PCDHGA4: variants seen among roughly 807,000 people sequenced by gnomAD.
The protein encoded by PCDHGA4 is protocadherin gamma-A4.
In PCDHGA4, 38 loss-of-function variants were observed where a neutral mutation model predicts 54.6. The ratio of observed to expected loss-of-function variants is 0.70; its 90% CI spans 0.54 to 0.91. The LOEUF is 0.91. PCDHGA4 is among the 40% of genes least tolerant of loss of function. The pLI is 0.00. For missense variants in PCDHGA4, 1,298 were observed against 1,220.9 expected, an observed-to-expected ratio of 1.06 and a Z score of -0.94; for synonymous variants, 511 against 512.9, an observed-to-expected ratio of 1.00 and a Z score of 0.05.
intron 1 of PCDHGA4, chr5:141,366,379 C>A (rs866007408): frequency 1.9e-6 from 3 of 1,614,134 alleles, no homozygotes; most frequent in African/African-American, 2.7e-5. Flanking sequence ...CCCCCATTGA[C>A]CCTGAGGATC....
At chr5:141,479,964 A>G (rs188553800) in intron 1 of PCDHGA4, among the ~76,000 whole-genome samples, 1 of 152,330 alleles carries the variant, frequency 6.6e-6, no homozygotes, top group East Asian at 1.9e-4. Context: ...AGTTAGTCAA[A>G]TGAGGTTCTA....
intron 1 of PCDHGA4, chr5:141,374,140 C>T: frequency 6.2e-7 from 1 of 1,609,666 alleles, no homozygotes; most frequent in South Asian, 1.1e-5. Flanking sequence ...TCCTCACGCT[C>T]CTGGGGACGC....
At chr5:141,375,485 G>C (rs1478417043) in intron 1 of PCDHGA4, 1 of 1,613,678 alleles carries the variant, frequency 6.2e-7, no homozygotes, top group African/African-American at 1.3e-5. Flanking sequence ...CAACCCCAGG[G>C]GTGCCTCCAT....
chr5:141,503,362 G>A (rs565902559), intron 2 of PCDHGA4, among the ~76,000 whole-genome samples: 32 of 152,054 alleles, frequency 2.1e-4, no homozygotes, highest in African/African-American at 6.5e-4. Context: ...TTTGGGAAGC[G>A]GAGGCAGGTG....
chr5:141,469,213 G>A (rs866405809), intron 1 of PCDHGA4, among the ~76,000 whole-genome samples: 21 of 150,912 alleles, frequency 1.4e-4, no homozygotes, highest in African/African-American at 5.1e-4. Flanking sequence ...TGAAGTTGAG[G>A]CTTCAGTGAG....
chr5:141,491,938 C>A lies in PCDHGA4; in HGVS notation c.2515-2869C>A, dbSNP rs1207647899. Reference sequence around the variant, plus strand: ...TGTGGGCGAGGGGAGGTGGGACCGACCCCCACCCCTACACTCAAAAAAGGC... The same window carrying A: ...TGTGGGCGAGGGGAGGTGGGACCGAACCCCACCCCTACACTCAAAAAAGGC... On this transcript the variant is annotated intron_variant, in intron 1 of 3. Transcript: ENST00000571252. This position sits in a 1 kb window ranked among gnomAD's most constrained non-coding sequence, Gnocchi z 6.9. 1.7e-6 allele frequency: 2 copies of A among 1,199,072 alleles called. No homozygotes were observed. The highest frequency in any genetic ancestry group is 3.1e-5 in the Admixed American group (1 of 32,246). The allele number at this position is 1,199,072 out of a possible 1,614,324, so 74.3% of individuals were successfully genotyped here. A position where few individuals can be genotyped will look rare whatever the true frequency, so the allele number is the denominator to read the frequency against.
At chr5:141,426,702 C>CA (rs1187798274) in intron 1 of PCDHGA4, 1 of 439,184 alleles carries the variant, frequency 2.3e-6, no homozygotes, top group Admixed American at 2.4e-5. Context: ...CATTGTTTTA[C>CA]AAATCAATGA....
At chr5:141,375,695 G>C (rs540188136) in intron 1 of PCDHGA4, 1 of 1,614,250 alleles carries the variant, frequency 6.2e-7, no homozygotes, top group South Asian at 1.1e-5. Context: ...CAGCGACAGC[G>C]GGGACCCGCC....
chr5:141,453,101 T>TTTTTGTTTTG (rs879618609), intron 1 of PCDHGA4, among the ~76,000 whole-genome samples: 1 of 152,012 alleles, frequency 6.6e-6, no homozygotes, highest in Non-Finnish European at 1.5e-5. Flanking sequence ...TTCTGTTGCT[T>TTTTTGTTTTG]TTTTGTTTTG....
chr5:141,430,383 G>GAAA (rs139772145), intron 1 of PCDHGA4, among the ~76,000 whole-genome samples: 2 of 138,566 alleles, frequency 1.4e-5, no homozygotes, highest in South Asian at 4.6e-4. Flanking sequence ...AGCTCATTGG[G>GAAA]AAAAAAAAAA....
At chr5:141,413,980 A>C in intron 1 of PCDHGA4, 12 of 1,613,530 alleles carry the variant, frequency 7.4e-6, no homozygotes, top group Non-Finnish European at 1.0e-5. Flanking sequence ...GCTGACAGTC[A>C]CAGCCACCGA....
chr5:141,417,230 T>C (rs2096097492), intron 1 of PCDHGA4: 1 of 152,210 alleles, frequency 6.6e-6, no homozygotes, highest in Non-Finnish European at 1.5e-5. Context: ...AAAAAATTTG[T>C]TGCTTATCTT....
At chr5:141,455,270 A>T (rs2098818132) in intron 1 of PCDHGA4, among the ~76,000 whole-genome samples, 1 of 151,958 alleles carries the variant, frequency 6.6e-6, no homozygotes, top group South Asian at 2.1e-4. Context: ...CTTCCCATTG[A>T]TTATTAACAT....
chr5:141,448,543 G>C (rs1001667281), intron 1 of PCDHGA4, among the ~76,000 whole-genome samples: 3 of 151,988 alleles, frequency 2.0e-5, no homozygotes, highest in Admixed American at 6.6e-5. Context: ...CATTTCTTAT[G>C]CAAATATGTA....
intron 1 of PCDHGA4, chr5:141,408,969 C>T (rs1005367761): frequency 3.7e-6 from 6 of 1,613,594 alleles, no homozygotes; most frequent in Non-Finnish European, 5.1e-6. Context: ...GAAAATCTGC[C>T]CCCTGGGTCC....
At chr5:141,368,717 A>C (rs1429759647) in intron 1 of PCDHGA4, among the ~76,000 whole-genome samples, 2 of 152,218 alleles carry the variant, frequency 1.3e-5, no homozygotes, top group Non-Finnish European at 2.9e-5. Flanking sequence ...TACATTTTGA[A>C]TGTATGTACT....
chr5:141,494,142 A>AAGACAACT (rs2099752181), intron 1 of PCDHGA4, among the ~76,000 whole-genome samples: 5 of 152,090 alleles, frequency 3.3e-5, no homozygotes, highest in Admixed American at 6.5e-5. Context: ...TTAGTCACAG[A>AAGACAACT]CCATTGTCTG....
In PCDHGA4 at chr5:141,490,261, G is replaced by T; in HGVS notation, c.2515-4546G>T. 6.2e-7 allele frequency: 1 copy of T among 1,614,218 alleles called. No individual in the cohort carries two copies. Among genetic ancestry groups the T allele is most frequent in the Non-Finnish European group, 8.5e-7 (1 of 1,180,038 alleles). ...CCACTGTGTGATTCAAGTGGATGTG[G>T]GGGATGTCAATGACAATGCCCCAGA... On this transcript the variant is annotated intron_variant, in intron 1 of 3. Coordinates refer to ENST00000571252, the MANE Select transcript of PCDHGA4 (RefSeq NM_018917.4). The surrounding 1 kb of genome is among the most constrained non-coding windows in gnomAD (Gnocchi z 5.4).
chr5:141,362,449 C>T (rs762665729), intron 1 of PCDHGA4: 2 of 1,614,006 alleles, frequency 1.2e-6, no homozygotes, highest in Non-Finnish European at 1.7e-6. Flanking sequence ...GAACATAACC[C>T]CGGAATTGGT....
Sources: gnomAD v4.1 joint callset for allele counts (sites outside exome capture counted in the v4.1 genomes callset) on GRCh38, gnomAD v4.1.1 for gene constraint, Gnocchi (gnomAD v3.1) non-coding constraint, MANE v1.5 for transcripts, NCBI Gene and HGNC (gene_info 2026-07-23, HGNC 2026-07-21) for gene names.